Variants in ASTN2 observed in about 807,000 individuals in gnomAD.
The protein encoded by ASTN2 is astrotactin 2.
Under a neutral mutation model 139.8 loss-of-function variants are expected in ASTN2, and 54 were observed. The ratio of observed to expected loss-of-function variants is 0.39; its 90% CI spans 0.31 to 0.48. The LOEUF (loss-of-function observed/expected upper bound fraction) is 0.48. Among genes scored for constraint, ASTN2 ranks in the 20% least tolerant of loss-of-function variants. ASTN2 has a pLI of 0.95. For synonymous variants in ASTN2, 756 were observed against 719.5 expected, an observed-to-expected ratio of 1.05 and a Z score of -0.81; for missense variants, 1,565 against 1,725.1, an observed-to-expected ratio of 0.91 and a Z score of 1.64.
intron 2 of ASTN2, among the ~76,000 whole-genome samples, chr9:117,259,465 C>T (rs2133105694): frequency 6.6e-6 from 1 of 152,204 alleles, no homozygotes; most frequent in Non-Finnish European, 1.5e-5. Flanking sequence ...TGGGAAAAAC[C>T]AACCAGCATT....
intron 6 of ASTN2, among the ~76,000 whole-genome samples, chr9:117,024,008 G>A (rs1009097588): frequency 1.3e-5 from 2 of 152,130 alleles, no homozygotes; most frequent in East Asian, 3.9e-4. Context: ...GCGCTACTGA[G>A]GGCTGATGCT....
At chr9:117,329,518 G>A (rs533947928) in intron 1 of ASTN2, among the ~76,000 whole-genome samples, 31 of 152,246 alleles carry the variant, frequency 2.0e-4, no homozygotes, top group Admixed American at 1.2e-3. Context: ...CATGGATTCA[G>A]GGGCCCTGGC....
intron 6 of ASTN2, among the ~76,000 whole-genome samples, chr9:117,037,625 T>A (rs1261559521): frequency 6.6e-6 from 1 of 152,224 alleles, no homozygotes; most frequent in Non-Finnish European, 1.5e-5. Flanking sequence ...TTCTCAGGGA[T>A]TCCATTTCTA....
chr9:117,014,747 G>A (rs1252788938), intron 6 of ASTN2, among the ~76,000 whole-genome samples: 1 of 152,074 alleles, frequency 6.6e-6, no homozygotes, highest in Non-Finnish European at 1.5e-5. Flanking sequence ...ATTTCAATAC[G>A]ACTGATGTCC....
chr9:117,083,385 A>G (rs1828478278), intron 5 of ASTN2, among the ~76,000 whole-genome samples: 1 of 152,164 alleles, frequency 6.6e-6, no homozygotes, highest in Non-Finnish European at 1.5e-5. Flanking sequence ...ATCATTTCCA[A>G]TTTTGAGAGG....
intron 7 of ASTN2, among the ~76,000 whole-genome samples, chr9:116,983,023 C>A (rs1324767215): frequency 6.6e-6 from 1 of 152,188 alleles, no homozygotes; most frequent in African/African-American, 2.4e-5. Context: ...TCTGACTCCC[C>A]TCCCCAAACC....
chr9:117,084,786 G>A (rs1828519334), intron 5 of ASTN2, among the ~76,000 whole-genome samples: 1 of 152,248 alleles, frequency 6.6e-6, no homozygotes, highest in Admixed American at 6.5e-5. Context: ...AAGCTTGAGA[G>A]TGGTGGTTCT....
intron 2 of ASTN2, among the ~76,000 whole-genome samples, chr9:117,275,409 G>A (rs1208766546): frequency 6.6e-6 from 1 of 152,102 alleles, no homozygotes; most frequent in African/African-American, 2.4e-5. Context: ...TTTTCTTACA[G>A]TTCTGGAGGC....
At chr9:116,431,261 G>A (rs146200716) in intron 22 of ASTN2, among the ~76,000 whole-genome samples, 14 of 152,140 alleles carry the variant, frequency 9.2e-5, no homozygotes, top group African/African-American at 3.1e-4. Flanking sequence ...AGACAGGCAG[G>A]AAGAAAACAT....
At chr9:116,997,136 T>C (rs2132561804) in intron 7 of ASTN2, among the ~76,000 whole-genome samples, 2 of 152,270 alleles carry the variant, frequency 1.3e-5, no homozygotes, top group East Asian at 1.9e-4. Flanking sequence ...GGACTTTCAA[T>C]GGGACTGGCA....
intron 1 of ASTN2, among the ~76,000 whole-genome samples, chr9:117,395,180 G>A (rs1830645985): frequency 6.6e-6 from 1 of 152,122 alleles, no homozygotes; most frequent in Non-Finnish European, 1.5e-5. Context: ...AGAAAGGAGT[G>A]CTTTCTCATA....
intron 13 of ASTN2, among the ~76,000 whole-genome samples, chr9:116,748,225 C>A (rs1740121027): frequency 6.6e-6 from 1 of 152,146 alleles, no homozygotes; most frequent in South Asian, 2.1e-4. Context: ...TTAGCCCTGC[C>A]CCAGAAGCTA....
chr9:116,902,930 C>T (rs1283813089), intron 10 of ASTN2, among the ~76,000 whole-genome samples: 1 of 152,122 alleles, frequency 6.6e-6, no homozygotes, highest in Non-Finnish European at 1.5e-5. Flanking sequence ...TTGAAGAGCC[C>T]AGTAGGATCT....
chr9:117,376,769 A>AAT (rs1195024688), intron 1 of ASTN2, among the ~76,000 whole-genome samples: 1 of 152,112 alleles, frequency 6.6e-6, no homozygotes, highest in African/African-American at 2.4e-5. Flanking sequence ...AAAATGAGAT[A>AAT]ATGCCTGTGT....
At chr9:117,108,872 G>A (rs930429805) in intron 4 of ASTN2, among the ~76,000 whole-genome samples, 9 of 152,062 alleles carry the variant, frequency 5.9e-5, no homozygotes, top group African/African-American at 2.2e-4. Flanking sequence ...ATGGCTTCTG[G>A]TGCTCCCAAC....
intron 10 of ASTN2, among the ~76,000 whole-genome samples, chr9:116,891,300 A>T (rs10983396): frequency 0.059 from 8,938 of 152,242 alleles, 454 homozygotes; most frequent in East Asian, 0.26. Context: ...GCTTTTGTTT[A>T]CTCAACAGAT....
At chr9:117,352,736 G>T (rs143689557) in intron 1 of ASTN2, among the ~76,000 whole-genome samples, 13 of 152,020 alleles carry the variant, frequency 8.6e-5, no homozygotes, top group Admixed American at 7.2e-4. Context: ...AAATTTCATC[G>T]CTCGGCCAAA....
intron 5 of ASTN2, among the ~76,000 whole-genome samples, chr9:117,095,742 A>C (rs946169186): frequency 6.6e-6 from 1 of 152,200 alleles, no homozygotes; most frequent in Non-Finnish European, 1.5e-5. Flanking sequence ...TCTTATTTTC[A>C]TATTAATATG....
chr9:116,647,748 C>A (rs1430043611), intron 17 of ASTN2, among the ~76,000 whole-genome samples: 3 of 152,172 alleles, frequency 2.0e-5, no homozygotes, highest in Admixed American at 6.5e-5. Context: ...CACCAAGTCC[C>A]AGAAGGCCAG....
Sources: gnomAD v4.1 joint callset for allele counts (sites outside exome capture counted in the v4.1 genomes callset) on GRCh38, gnomAD v4.1.1 for gene constraint, MANE v1.5 for transcripts, NCBI Gene and HGNC (gene_info 2026-07-23, HGNC 2026-07-21) for gene names.